Variants in IPO11 observed in about 807,000 individuals in gnomAD.
IPO11 encodes the protein importin-11.
A neutral mutation model predicts 143.2 loss-of-function variants in IPO11; 66 were observed. The ratio of observed to expected loss-of-function variants is 0.46; its 90% CI spans 0.38 to 0.57. The LOEUF (loss-of-function observed/expected upper bound fraction) is 0.57. Ranked by LOEUF, IPO11 falls within the 20% of genes least tolerant of loss-of-function variation. IPO11 has a pLI of 0.00. For missense variants in IPO11, 1,026 were observed against 1,141.0 expected (o/e 0.90, Z 1.45); for synonymous variants, 385 against 377.8 (o/e 1.02, Z -0.22).
intron 1 of IPO11, among the ~76,000 whole-genome samples, chr5:62,433,117 G>A (rs1744052200): frequency 6.8e-6 from 1 of 148,022 alleles, no homozygotes; most frequent in Admixed American, 6.7e-5. Context: ...ACTCTTCTTC[G>A]GTTTTTACTC....
chr5:62,435,990 C>T (rs1036065245), intron 1 of IPO11, among the ~76,000 whole-genome samples: 7 of 151,544 alleles, frequency 4.6e-5, no homozygotes, highest in Admixed American at 2.6e-4. Flanking sequence ...CTGTTGCACT[C>T]GAGCCTGGGT....
Position 62,551,287 on chromosome 5 carries a change from G to T in IPO11, c.2411G>T (p.Ser804Ile), listed in dbSNP as rs759595648. 6.2e-7 allele frequency: 1 copy of T among 1,609,314 alleles called. No individual in the cohort carries two copies. The highest frequency in any genetic ancestry group is 8.5e-7 in the Non-Finnish European group (1 of 1,177,142). Residue 804 changes from serine to isoleucine, a missense_variant, in exon 26 of 30, where the codon AGT (serine) becomes ATT (isoleucine). Around this residue, in one of 5 missense-constraint regions of IPO11, gnomAD observed 351 missense variants for 358.9 expected, o/e 0.98. Transcript: ENST00000325324. ...GGTCGAGTTCTACTACAAAACACTA[G>T]TTTTTTTTCTTCACTACTTAATGAG... ...VMGRVLLQNTSFFSSLLNEMA... is the reference protein window; with the variant it reads ...VMGRVLLQNTIFFSSLLNEMA...
intron 1 of IPO11, among the ~76,000 whole-genome samples, chr5:62,428,391 T>C (rs1056743240): frequency 2.6e-5 from 4 of 152,128 alleles, no homozygotes; most frequent in African/African-American, 9.7e-5. Context: ...TCGCCCAGGC[T>C]GGAGTGCCGT....
chr5:62,566,368 T>C (rs1313807400), intron 27 of IPO11, among the ~76,000 whole-genome samples: 3 of 152,218 alleles, frequency 2.0e-5, no homozygotes, highest in Non-Finnish European at 2.9e-5. Flanking sequence ...TTTGCATTTC[T>C]CTAATGATCA....
intron 1 of IPO11, among the ~76,000 whole-genome samples, chr5:62,414,306 A>T (rs1038345903): frequency 3.3e-5 from 5 of 151,632 alleles, no homozygotes; most frequent in East Asian, 1.9e-4. Flanking sequence ...CAGAAACAAA[A>T]TTTTTTTTTC....
At chr5:62,543,555 G>A (rs755590320) in intron 24 of IPO11, among the ~76,000 whole-genome samples, 3 of 152,024 alleles carry the variant, frequency 2.0e-5, no homozygotes, top group Non-Finnish European at 2.9e-5. Flanking sequence ...TTTTTATCAC[G>A]TCTGTTTGAT....
chr5:62,440,368 T>TA (rs1554047583), intron 2 of IPO11, among the ~76,000 whole-genome samples: 145 of 147,958 alleles, frequency 9.8e-4, no homozygotes, highest in Middle Eastern at 3.5e-3. Flanking sequence ...TTTTTTTTTT[T>TA]ATCTGAGGTG....
At chr5:62,486,016 C>G (rs182848179) in intron 12 of IPO11, among the ~76,000 whole-genome samples, 2 of 142,376 alleles carry the variant, frequency 1.4e-5, no homozygotes, top group African/African-American at 5.2e-5. Flanking sequence ...GAATCTCACT[C>G]TGTTGCCCAG....
intron 10 of IPO11, 94 bp downstream of exon 10, chr5:62,483,387 G>T: frequency 1.4e-6 from 1 of 735,194 alleles, no homozygotes; most frequent in Non-Finnish European, 2.1e-6. Flanking sequence ...TGTCATTTTA[G>T]TCTGAAAAAT....
rs1242649475 is a variant in IPO11, at chr5:62,506,339, C to T, written c.1764C>T (p.Ile588=). The T allele has an allele frequency of 1.9e-6, 3 of 1,595,994 alleles. No homozygotes were observed. The highest frequency in any genetic ancestry group is 2.6e-6 in the Non-Finnish European group (3 of 1,166,696). Residue 588 remains isoleucine (I), a synonymous_variant, in exon 19 of 30, where the codon ATC becomes ATT. Coordinates refer to ENST00000325324, the MANE Select transcript of IPO11 (RefSeq NM_016338.5). ...TTTTGCATGTCCTTTCTTGTGTGATCGAAAGAGTCAACATGCAGGTAATTA... is the reference window on the plus strand; with the variant it reads ...TTTTGCATGTCCTTTCTTGTGTGATTGAAAGAGTCAACATGCAGGTAATTA... The part of the protein sequence containing the change: ...MHVLHVLSCV[I]ERVNMQIRPY...
At chr5:62,440,223 A>G (rs958204351) in intron 2 of IPO11, among the ~76,000 whole-genome samples, 3 of 152,202 alleles carry the variant, frequency 2.0e-5, no homozygotes, top group South Asian at 2.1e-4. Flanking sequence ...CAAAAGAGGG[A>G]CTTGCACCCA....
chr5:62,524,420 GTAAGTAGA>G (rs1420802939), intron 20 of IPO11, among the ~76,000 whole-genome samples: 1 of 152,114 alleles, frequency 6.6e-6, no homozygotes, highest in Non-Finnish European at 1.5e-5. Context: ...ACACATTTAA[GTAAGTAGA>G]TAAATTTTCC....
At chr5:62,570,867 G>A (rs995399901) in intron 27 of IPO11, among the ~76,000 whole-genome samples, 10 of 152,182 alleles carry the variant, frequency 6.6e-5, no homozygotes, top group African/African-American at 1.9e-4. Flanking sequence ...AAACTAAACT[G>A]TGATCAAATG....
At position 62,504,849 on chromosome 5, in the gene IPO11, G is replaced by A; in HGVS notation, c.1625-9G>A. On this transcript the variant is annotated splice_polypyrimidine_tract_variant and intron_variant, in intron 17 of 29. Coordinates refer to ENST00000325324, the MANE Select transcript of IPO11 (RefSeq NM_016338.5). ...TATATATTCTCAGTATTCCTTAACT[G>A]TTCTTCACCTGTTGATGATTTTGAA... 2 of 1,542,868 alleles carry A rather than the reference G, an allele frequency of 1.3e-6. No homozygotes were observed. Among genetic ancestry groups the A allele is most frequent in the Non-Finnish European group, 1.8e-6 (2 of 1,129,970 alleles).
chr5:62,577,871 G>A (rs1166959619), intron 27 of IPO11, among the ~76,000 whole-genome samples: 1 of 151,852 alleles, frequency 6.6e-6, no homozygotes, highest in Non-Finnish European at 1.5e-5. Context: ...TGATATTTTA[G>A]GAATATTATC....
chr5:62,487,767 C>G lies in IPO11; in HGVS notation c.1219-4C>G, dbSNP rs756162176. On this transcript the variant is annotated splice_region_variant and splice_polypyrimidine_tract_variant and intron_variant, in intron 12 of 29. Coordinates refer to ENST00000325324, the MANE Select transcript of IPO11 (RefSeq NM_016338.5). Reference sequence around the variant, plus strand: ...ATGAGAAATTTGTATTTTTCCCTCTCCAGCCATGCACTGAAGTATTATTTA... The same window carrying G: ...ATGAGAAATTTGTATTTTTCCCTCTGCAGCCATGCACTGAAGTATTATTTA... 1 of 1,566,684 alleles carries G rather than the reference C, an allele frequency of 6.4e-7. No individual in the cohort carries two copies. Among genetic ancestry groups the G allele is most frequent in the African/African-American group, 1.4e-5 (1 of 73,094 alleles).
At chr5:62,587,077 A>G (rs1245080517) in intron 27 of IPO11, among the ~76,000 whole-genome samples, 2 of 151,772 alleles carry the variant, frequency 1.3e-5, no homozygotes, top group Non-Finnish European at 2.9e-5. Context: ...TTATAGCAAA[A>G]TCACACAGGA....
chr5:62,583,323 C>G (rs1001410941), intron 27 of IPO11, among the ~76,000 whole-genome samples: 1 of 152,092 alleles, frequency 6.6e-6, no homozygotes, highest in African/African-American at 2.4e-5. Flanking sequence ...CCACCTAAAC[C>G]GTACCCTCTT....
intron 26 of IPO11, among the ~76,000 whole-genome samples, chr5:62,552,597 A>G (rs1283351281): frequency 2.6e-5 from 4 of 152,000 alleles, no homozygotes; most frequent in African/African-American, 9.7e-5. Flanking sequence ...CAGGATAACT[A>G]AAAATATTTA....
Sources: allele counts gnomAD v4.1 joint callset (sites outside exome capture counted in the v4.1 genomes callset), GRCh38; gene constraint gnomAD v4.1.1; regional missense constraint gnomAD v4.1.1; transcripts MANE v1.5; gene names NCBI Gene and HGNC (gene_info 2026-07-23, HGNC 2026-07-21).